The following MYBPC2 variants were observed in gnomAD, a reference collection of about 807,000 sequenced individuals.
MYBPC2 encodes myosin-binding protein C, fast-type.
Under a neutral mutation model 137.0 loss-of-function variants are expected in MYBPC2, and 122 were observed. That is an observed-to-expected ratio of 0.89 (90% CI 0.77 to 1.03). The LOEUF is 1.03. Among genes scored for constraint, MYBPC2 ranks in the 50% least tolerant of loss-of-function variants. The pLI is 0.00. For missense variants in MYBPC2, 1,500 were observed against 1,534.4 expected (o/e 0.98, Z 0.37); for synonymous variants, 626 against 612.3 (o/e 1.02, Z -0.33).
intron 7 of MYBPC2, 101 bp downstream of exon 7, chr19:50,437,819 T>C: frequency 7.6e-7 from 1 of 1,313,628 alleles, no homozygotes; most frequent in South Asian, 1.3e-5. Flanking sequence ...ACCCACTGCT[T>C]ATCCCTCTAC....
chr19:50,452,808 T>A (rs1243421945), intron 16 of MYBPC2, among the ~76,000 whole-genome samples: 2 of 152,178 alleles, frequency 1.3e-5, no homozygotes, highest in Non-Finnish European at 2.9e-5. Flanking sequence ...TCCTTCCACC[T>A]TGGCCTCCCA....
Position 50,440,913 on chromosome 19 carries a change from GA to G in MYBPC2, c.609del (p.Asp204MetfsTer5), listed in dbSNP as rs1209874347. On this transcript the variant is annotated frameshift_variant, in exon 8 of 28. Transcript: ENST00000357701. LOFTEE classifies it high-confidence loss of function. ...TGGAGGAGGAGAAGAAGAAGAAAAA[GA>G]AAGATGACGATGACCTAGGCATCCC... is the stretch of plus-strand genomic sequence containing the variant. ...VVEEEKKKKK[K>X]DDDDLGIPPE... 3 of 1,613,554 alleles carry G rather than the reference GA, an allele frequency of 1.9e-6. No individual in the cohort carries two copies. Among genetic ancestry groups the G allele is most frequent in the Non-Finnish European group, 2.5e-6 (3 of 1,179,680 alleles).
chr19:50,456,805 A>G (rs948029612), intron 20 of MYBPC2, among the ~76,000 whole-genome samples: 1 of 151,700 alleles, frequency 6.6e-6, no homozygotes, highest in African/African-American at 2.4e-5. Context: ...CTTTCTACCT[A>G]TATGGCCATC....
chr19:50,441,614 C>T (rs980116270), intron 8 of MYBPC2, among the ~76,000 whole-genome samples: 1 of 151,982 alleles, frequency 6.6e-6, no homozygotes, highest in African/African-American at 2.4e-5. Flanking sequence ...CTGAGGTGCG[C>T]AGATCACCTG....
At chr19:50,437,245 G>T (rs1030132046) in intron 5 of MYBPC2, among the ~76,000 whole-genome samples, 1 of 152,008 alleles carries the variant, frequency 6.6e-6, no homozygotes. Context: ...GGTGGCCCAG[G>T]TGTGGGGGGT....
At chr19:50,444,871 C>T (rs1210544522) in intron 11 of MYBPC2, among the ~76,000 whole-genome samples, 2 of 113,646 alleles carry the variant, frequency 1.8e-5, no homozygotes, top group African/African-American at 3.8e-5. Context: ...CACAGCGAGA[C>T]TCCGTCTCAA....
chr19:50,446,433 A>C (rs1682811137), intron 12 of MYBPC2, among the ~76,000 whole-genome samples: 1 of 151,872 alleles, frequency 6.6e-6, no homozygotes, highest in Non-Finnish European at 1.5e-5. Flanking sequence ...GAATTGCTTG[A>C]ACCCAGGAGG....
chr19:50,440,693 G>A (rs2039745522), intron 7 of MYBPC2, among the ~76,000 whole-genome samples, 187 bp from the exon 8 acceptor site: 1 of 151,756 alleles, frequency 6.6e-6, no homozygotes, highest in Admixed American at 6.6e-5. Flanking sequence ...AACCCAGTGG[G>A]GACTGTGCTG....
At position 50,435,312 on chromosome 19, in the gene MYBPC2, G is replaced by A. The variant is rs1361402475; in HGVS notation, c.109+62G>A. On this transcript the variant is annotated intron_variant, in intron 2 of 27. Transcript: ENST00000357701. This position sits in a 1 kb window ranked among gnomAD's most constrained non-coding sequence, Gnocchi z 4.8. The stretch of plus-strand genomic sequence containing the variant: ...TTCTCATCTCCATCCTCCTCGCTAC[G>A]CCTCTCCAGGCCTTTCCCCAGCCTC... The A allele has an allele frequency of 4.2e-6, 3 of 710,298 alleles. No homozygotes were observed. The highest frequency in any genetic ancestry group is 5.2e-6 in the Non-Finnish European group (2 of 386,640). The allele number at this position is 710,298 out of a possible 1,614,324, so 44.0% of individuals were successfully genotyped here.
In MYBPC2 at chr19:50,466,303, C is replaced by G. The variant is rs1286266074; in HGVS notation, c.*98C>G. The G allele has an allele frequency of 1.4e-5, 22 of 1,536,406 alleles. No individual in the cohort carries two copies. The highest frequency in any genetic ancestry group is 1.4e-4 in the Admixed American group (8 of 57,516). On this transcript the variant is annotated 3_prime_UTR_variant, in exon 28 of 28. Transcript: ENST00000357701. This position sits in a 1 kb window ranked among gnomAD's most constrained non-coding sequence, Gnocchi z 4.9. ...TTCTTTCTGGAGTTTTCGCTGAGAA[C>G]AAAACAGTGTTGTCTGGACCCTGGA... is the stretch of plus-strand genomic sequence containing the variant.
rs759284342 is a variant in MYBPC2 at position 50,451,895 on chromosome 19, G to A, written c.1641G>A (p.Gly547=). The A allele has an allele frequency of 6.3e-7, 1 of 1,590,138 alleles. No homozygotes were observed. The highest frequency in any genetic ancestry group is 8.6e-7 in the Non-Finnish European group (1 of 1,167,824). Residue 547 remains glycine (G), a synonymous_variant, in exon 16 of 28, where the codon GGG becomes GGA. Transcript: ENST00000357701. ...CAAAGATCCACTTGGATTGCTCGGG[G>A]AAGACCTCAGAGAATGCGATTGTGG... is the stretch of plus-strand genomic sequence containing the variant. ...EPPKIHLDCS[G]KTSENAIVVV...
At chr19:50,447,265 C>T (rs772170500) in intron 12 of MYBPC2, among the ~76,000 whole-genome samples, 10 of 152,054 alleles carry the variant, frequency 6.6e-5, no homozygotes, top group South Asian at 2.1e-4. Context: ...CCATTATGTA[C>T]GATGTCACCA....
At chr19:50,464,115 C>T (rs2039993535) in intron 26 of MYBPC2, 1 of 452,064 alleles carries the variant, frequency 2.2e-6, no homozygotes, top group Non-Finnish European at 4.0e-6. Flanking sequence ...AAACAGTGAG[C>T]TCTTTGTCCT....
At chr19:50,458,531 G>C in intron 20 of MYBPC2, 56 bp from the exon 21 acceptor site, 1 of 1,585,392 alleles carries the variant, frequency 6.3e-7, no homozygotes, top group South Asian at 1.1e-5. Flanking sequence ...CGGGAGAAAC[G>C]GGAGCGGAGG....
chr19:50,450,694 C>A, intron 13 of MYBPC2, 135 bp from the exon 14 acceptor site: 1 of 634,204 alleles, frequency 1.6e-6, no homozygotes, highest in South Asian at 2.1e-5. Context: ...TGAAAATAGA[C>A]CACAGCGTTC....
In MYBPC2 at chr19:50,435,729, C is replaced by A; in HGVS notation, c.110-47C>A. On this transcript the variant is annotated intron_variant, in intron 2 of 27. Coordinates refer to ENST00000357701, the MANE Select transcript of MYBPC2 (RefSeq NM_004533.4). This position sits in a 1 kb window ranked among gnomAD's most constrained non-coding sequence, Gnocchi z 4.8. ...CCCCAAAGCGGCCCACTGTCCCCTCCCCAGCCTATCTCAGACCTCCTCATC... is the reference window on the plus strand; with the variant it reads ...CCCCAAAGCGGCCCACTGTCCCCTCACCAGCCTATCTCAGACCTCCTCATC... 6.6e-7 allele frequency: 1 copy of A among 1,517,012 alleles called. No homozygotes were observed. Among genetic ancestry groups the A allele is most frequent in the Non-Finnish European group, 9.0e-7 (1 of 1,115,188 alleles). The allele number at this position is 1,517,012 out of a possible 1,614,324, so 94.0% of individuals were successfully genotyped here. A position where few individuals can be genotyped will look rare whatever the true frequency, so the allele number is the denominator to read the frequency against.
chr19:50,462,869 C>G (rs1031538654), intron 26 of MYBPC2, among the ~76,000 whole-genome samples: 10 of 151,790 alleles, frequency 6.6e-5, no homozygotes, highest in African/African-American at 2.4e-4. Flanking sequence ...TTCTTTGTCC[C>G]CTGACTGCCA....
In MYBPC2 at chr19:50,458,963, T is replaced by G; in HGVS notation, c.2552T>G (p.Ile851Ser). The change falls in exon 22 of 28, where the codon ATC becomes AGC. Residue 851 changes from isoleucine to serine, a missense_variant. Ile to Ser is a moderately radical substitution (Grantham distance 142). Coordinates refer to ENST00000357701, the MANE Select transcript of MYBPC2 (RefSeq NM_004533.4). ...RLPRHLRQTY[I>S]RKVGEQLNLV... ...CCCCGCCATCTCCGCCAGACCTACATCCGCAAAGTGGGCGAGCAGCTCAAC... is the reference window on the plus strand; with the variant it reads ...CCCCGCCATCTCCGCCAGACCTACAGCCGCAAAGTGGGCGAGCAGCTCAAC... The G allele has an allele frequency of 6.2e-7, 1 of 1,612,414 alleles. No homozygotes were observed. Among genetic ancestry groups the G allele is most frequent in the Non-Finnish European group, 8.5e-7 (1 of 1,179,534 alleles).
chr19:50,440,322 T>A lies in MYBPC2; in HGVS notation c.573-558T>A, dbSNP rs868491634. 1.0e-3 allele frequency among the ~76,000 whole-genome samples: 55 copies of A among 54,792 alleles called. 1 individual carries two copies. The highest frequency in any genetic ancestry group is 4.6e-3 in the Admixed American group (22 of 4,738). 35.9% of individuals were successfully genotyped at this position (54,792 alleles called of 152,430 possible). A position where few individuals can be genotyped will look rare whatever the true frequency, so the allele number is the denominator to read the frequency against. ...CCTGTTTCCCAATAACCTGTGGAAATAAAATAAATAAATAAATAAATAAAT... is the reference window on the plus strand; with the variant it reads ...CCTGTTTCCCAATAACCTGTGGAAAAAAAATAAATAAATAAATAAATAAAT... On this transcript the variant is annotated intron_variant, in intron 7 of 27. Transcript: ENST00000357701.
Sources: allele counts gnomAD v4.1 joint callset (sites outside exome capture counted in the v4.1 genomes callset), GRCh38; gene constraint gnomAD v4.1.1; non-coding constraint Gnocchi (gnomAD v3.1); transcripts MANE v1.5; gene names NCBI Gene and HGNC (gene_info 2026-07-23, HGNC 2026-07-21).